Variants in NAV1 observed in about 807,000 individuals in gnomAD.
NAV1 encodes the protein pore membrane and/or filament interacting like protein 3.
Under a neutral mutation model 175.2 loss-of-function variants are expected in NAV1, and 18 were observed. The ratio of observed to expected loss-of-function variants is 0.10; its 90% CI spans 0.07 to 0.15. The LOEUF (loss-of-function observed/expected upper bound fraction) is 0.15. Ranked by LOEUF, NAV1 falls within the 10% of genes least tolerant of loss-of-function variation. The pLI, the probability that NAV1 is intolerant of heterozygous loss-of-function variation, is 1.00. For missense variants in NAV1, 1,731 were observed against 2,436.6 expected (o/e 0.71, Z 6.10); for synonymous variants, 897 against 978.7 (o/e 0.92, Z 1.56).
chr1:201,695,552 C>T (rs1281666196), intron 1 of NAV1, among the ~76,000 whole-genome samples: 1 of 152,246 alleles, frequency 6.6e-6, no homozygotes, highest in Non-Finnish European at 1.5e-5. Context: ...TGTAGCTTGG[C>T]AGACCTGGAA....
In NAV1 at chr1:201,694,766, C is replaced by T. The variant is rs866353705; in HGVS notation, c.758-18051C>T. ...CAGTCTCCAGAGTGACGCAGTGGGA[C>T]GAGCCCTGGAGCTGGAGACAGAGAA... On this transcript the variant is annotated intron_variant, in intron 1 of 29. Coordinates refer to ENST00000367296, the Ensembl canonical transcript of NAV1. The surrounding 1 kb of genome is among the most constrained non-coding windows in gnomAD (Gnocchi z 4.2). Among the ~76,000 whole-genome samples, 2 of 152,180 alleles carry T rather than the reference C, an allele frequency of 1.3e-5. No individual in the cohort carries two copies. Among genetic ancestry groups the T allele is most frequent in the Non-Finnish European group, 2.9e-5 (2 of 68,042 alleles).
At chr1:201,687,643 T>C (rs1670736146) in intron 1 of NAV1, among the ~76,000 whole-genome samples, 2 of 152,138 alleles carry the variant, frequency 1.3e-5, no homozygotes, top group African/African-American at 4.8e-5. Flanking sequence ...CTTAGTTAAG[T>C]TTGCATATTT....
intron 15 of NAV1, chr1:201,795,257 C>G (rs955258468): frequency 2.0e-5 from 3 of 152,306 alleles, no homozygotes; most frequent in Admixed American, 1.3e-4. Context: ...TTGGCGCCCC[C>G]CTTAGTTAAG....
chr1:201,685,282 C>G (rs142788900), intron 1 of NAV1, among the ~76,000 whole-genome samples: 2,111 of 152,224 alleles, frequency 0.014, 52 homozygotes, highest in African/African-American at 0.048. Context: ...GAATCACAGT[C>G]TTTTAAGGCT....
chr1:201,561,857 C>T (rs183140915), intron 1 of NAV1, among the ~76,000 whole-genome samples: 20 of 152,346 alleles, frequency 1.3e-4, no homozygotes, highest in Admixed American at 1.0e-3. Context: ...TCAGATCCCC[C>T]ATGTTCAGGG....
At chr1:201,675,373 G>A (rs188304202) in intron 1 of NAV1, among the ~76,000 whole-genome samples, 4 of 152,228 alleles carry the variant, frequency 2.6e-5, no homozygotes, top group East Asian at 1.9e-4. Flanking sequence ...CATGCTTATC[G>A]TCTCCTTTCT....
At chr1:201,634,272 A>T (rs1668553785) in intron 2 of NAV1, among the ~76,000 whole-genome samples, 1 of 152,214 alleles carries the variant, frequency 6.6e-6, no homozygotes. Flanking sequence ...ACTGCTCAAT[A>T]TGTGTTTGGT....
chr1:201,699,297 CA>C (rs1420638532), intron 1 of NAV1, among the ~76,000 whole-genome samples: 1 of 152,090 alleles, frequency 6.6e-6, no homozygotes, highest in Non-Finnish European at 1.5e-5. Context: ...ACACCAATAA[CA>C]GACAAACAGA....
At chr1:201,729,219 T>C (rs1312741943) in intron 3 of NAV1, among the ~76,000 whole-genome samples, 1 of 152,176 alleles carries the variant, frequency 6.6e-6, no homozygotes, top group Non-Finnish European at 1.5e-5. Flanking sequence ...AGAACACAAG[T>C]TTGGAAGTAT....
At position 201,726,648 on chromosome 1, in the gene NAV1, CAAAAA is replaced by C. The variant is rs369489372; in HGVS notation, c.1226+7907_1226+7911del. ...GGGCAACAAGAGCAAAACTCCATCT[CAAAAA>C]AAAAAAAAAAAAATAGAAATCTATT... On this transcript the variant is annotated intron_variant, in intron 3 of 29. Transcript: ENST00000367296. Among the ~76,000 whole-genome samples, 9 of 110,042 alleles carry C rather than the reference CAAAAA, an allele frequency of 8.2e-5. 1 individual carries two copies. The South Asian group carries it at 2.1e-3, about 26-fold the overall frequency. The allele number at this position is 110,042 out of a possible 152,430, so 72.2% of individuals were successfully genotyped here.
At chr1:201,604,724 G>GAGAAAGAAAGAAAGAA (rs371637628) in intron 2 of NAV1, among the ~76,000 whole-genome samples, 110 of 144,192 alleles carry the variant, frequency 7.6e-4, no homozygotes, top group African/African-American at 2.7e-3. Flanking sequence ...AGGAAAGAAA[G>GAGAAAGAAAGAAAGAA]AGAAAGAAAG....
At chr1:201,553,987 G>C (rs1665941557) in intron 1 of NAV1, among the ~76,000 whole-genome samples, 2 of 152,202 alleles carry the variant, frequency 1.3e-5, no homozygotes, top group Admixed American at 1.3e-4. Flanking sequence ...TCGGTCCTTA[G>C]TGGATGTTTA....
At chr1:201,648,693 G>C in exon 1 of NAV1, 1 of 1,424,010 alleles carries the variant, frequency 7.0e-7, no homozygotes, top group Non-Finnish European at 9.1e-7. Flanking sequence ...CGTCAAGAGC[G>C]TGCAGCCCGA....
At chr1:201,803,624 T>C (rs143367958) in exon 16 of NAV1, 5 of 1,613,522 alleles carry the variant, frequency 3.1e-6, no homozygotes, top group African/African-American at 1.3e-5. Flanking sequence ...ACTCCTCAGA[T>C]AGCATCTCAA....
chr1:201,751,933 C>G (rs1373165186), intron 3 of NAV1, among the ~76,000 whole-genome samples: 1 of 151,798 alleles, frequency 6.6e-6, no homozygotes, highest in Non-Finnish European at 1.5e-5. Context: ...TTTTTTTGTT[C>G]AAAGCTTTGT....
At chr1:201,604,740 A>G (rs1362645217) in intron 2 of NAV1, among the ~76,000 whole-genome samples, 1 of 151,026 alleles carries the variant, frequency 6.6e-6, no homozygotes, top group Non-Finnish European at 1.5e-5. Context: ...GAAAGAAAGA[A>G]AGAAAGAGAG....
At chr1:201,815,720 T>G (rs947706252) in intron 28 of NAV1, among the ~76,000 whole-genome samples, 1 of 152,172 alleles carries the variant, frequency 6.6e-6, no homozygotes, top group African/African-American at 2.4e-5. Flanking sequence ...TGAAACTCAC[T>G]AAGAGAATAG....
chr1:201,705,349 T>C (rs1671624785), intron 1 of NAV1, among the ~76,000 whole-genome samples: 1 of 152,256 alleles, frequency 6.6e-6, no homozygotes, highest in South Asian at 2.1e-4. Flanking sequence ...CTAGTTTTTC[T>C]TTCCTTGCCT....
In NAV1 at chr1:201,820,084, C is replaced by G; in HGVS notation, c.*152C>G. 3 of 720,884 alleles carry G rather than the reference C, an allele frequency of 4.2e-6. No homozygotes were observed. In the South Asian group the frequency reaches 5.4e-5, roughly 13 times the overall value. 44.7% of individuals were successfully genotyped at this position (720,884 alleles called of 1,614,324 possible). ...GGAGATGAAAGAGGAGGGACAGGTT[C>G]TTGGTGCTGTACCTTTGAGAACTTC... On this transcript the variant is annotated 3_prime_UTR_variant, in exon 30 of 30. Coordinates refer to ENST00000367296, the Ensembl canonical transcript of NAV1.
Sources: gnomAD v4.1 joint callset for allele counts (sites outside exome capture counted in the v4.1 genomes callset) on GRCh38, gnomAD v4.1.1 for gene constraint, Gnocchi (gnomAD v3.1) non-coding constraint, MANE v1.5 for transcripts, NCBI Gene and HGNC (gene_info 2026-07-23, HGNC 2026-07-21) for gene names.